COL8A2: variants seen among roughly 807,000 people sequenced by gnomAD.
COL8A2 encodes collagen alpha-2(VIII) chain.
COL8A2 carries 16 observed loss-of-function variants against 24.0 expected under a neutral mutation model. That is an observed-to-expected ratio of 0.67 (90% CI 0.45 to 1.01). The LOEUF (loss-of-function observed/expected upper bound fraction) is 1.01. COL8A2 is among the 50% of genes least tolerant of loss of function. COL8A2 has a pLI of 0.00. For synonymous variants in COL8A2, 466 were observed against 424.5 expected, an observed-to-expected ratio of 1.10 and a Z score of -1.20; for missense variants, 818 against 942.4, an observed-to-expected ratio of 0.87 and a Z score of 1.73.
chr1:36,119,364 G>A (rs1476533746), intron 1 of COL8A2, among the ~76,000 whole-genome samples: 1 of 152,118 alleles, frequency 6.6e-6, no homozygotes, highest in Non-Finnish European at 1.5e-5. Context: ...CCCCAGCCAG[G>A]GAAGGATGGT....
intron 2 of COL8A2, among the ~76,000 whole-genome samples, chr1:36,101,448 T>C (rs1643678570): frequency 6.6e-6 from 1 of 152,222 alleles, no homozygotes; most frequent in Admixed American, 6.5e-5. Flanking sequence ...CTCATTTCTT[T>C]GTGCCCTGAC....
In COL8A2 at chr1:36,097,061, G is replaced by A. The variant is rs1001736268; in HGVS notation, c.*508C>T. 7 of 162,084 alleles carry A rather than the reference G, an allele frequency of 4.3e-5. No homozygotes were observed. In the South Asian group the frequency reaches 5.0e-4, roughly 12 times the overall value. 10.0% of individuals were successfully genotyped at this position (162,084 alleles called of 1,614,324 possible). A position where few individuals can be genotyped will look rare whatever the true frequency, so the allele number is the denominator to read the frequency against. On this transcript the variant is annotated 3_prime_UTR_variant, in exon 4 of 4. Coordinates refer to ENST00000397799, the MANE Select transcript of COL8A2 (RefSeq NM_005202.4). ...GCAGGGTGTCCACACTCGCCACCTC[G>A]ATGGTCCCCTCTTCTCCCTTCCCCT...
In COL8A2 at chr1:36,115,794, G is replaced by A; in HGVS notation, c.-61-42C>T. On this transcript the variant is annotated intron_variant, in intron 1 of 3. Coordinates refer to ENST00000397799, the MANE Select transcript of COL8A2 (RefSeq NM_005202.4). The surrounding 1 kb of genome is among the most constrained non-coding windows in gnomAD (Gnocchi z 5.7). ...GAAACAGTGAGGCTATGGGGCAGTG[G>A]CTCAAGCTTGTAATCCCAGCACTTT... 1 of 973,962 alleles carries A rather than the reference G, an allele frequency of 1.0e-6. No individual in the cohort carries two copies. Among genetic ancestry groups the A allele is most frequent in the Non-Finnish European group, 1.2e-6 (1 of 819,522 alleles). 60.3% of individuals were successfully genotyped at this position (973,962 alleles called of 1,614,324 possible).
In COL8A2 at chr1:36,115,064, A is replaced by G. The variant is rs1303118468; in HGVS notation, c.-17+644T>C. 6.6e-6 allele frequency among the ~76,000 whole-genome samples: 1 copy of G among 152,022 alleles called. No individual in the cohort carries two copies. The highest frequency in any genetic ancestry group is 1.5e-5 in the Non-Finnish European group (1 of 67,988). ...GCAGTGGGCAGACCTGAGGGCAGCC[A>G]TGTACCCTCAGGCAGGTAGCCAGGC... On this transcript the variant is annotated intron_variant, in intron 2 of 3. Transcript: ENST00000397799. This position sits in a 1 kb window ranked among gnomAD's most constrained non-coding sequence, Gnocchi z 5.7.
chr1:36,117,269 G>A (rs1398141570), intron 1 of COL8A2, among the ~76,000 whole-genome samples: 1 of 152,258 alleles, frequency 6.6e-6, no homozygotes, highest in Non-Finnish European at 1.5e-5. Context: ...GCCACAGCCT[G>A]GATGATGGAG....
At chr1:36,122,458 G>GGCCTC (rs1643920768) in intron 1 of COL8A2, among the ~76,000 whole-genome samples, 1 of 152,046 alleles carries the variant, frequency 6.6e-6, no homozygotes, top group African/African-American at 2.4e-5. Context: ...GTCCACATAT[G>GGCCTC]GCCTCGCAAA....
chr1:36,102,100 G>A (rs1408990441), intron 2 of COL8A2, among the ~76,000 whole-genome samples: 1 of 152,140 alleles, frequency 6.6e-6, no homozygotes, highest in Non-Finnish European at 1.5e-5. Context: ...GATCACTTGA[G>A]CTCAGGAGGT....
chr1:36,097,568 G>A lies in COL8A2; in HGVS notation c.*1C>T. The A allele has an allele frequency of 1.9e-6, 3 of 1,600,684 alleles. No homozygotes were observed. The highest frequency in any genetic ancestry group is 2.6e-6 in the Non-Finnish European group (3 of 1,170,720). ...CAGGGCAGCAGGACCCCCCCCGCGG[G>A]TTATGTGGGGCAGAGCAAGAATCCT... On this transcript the variant is annotated 3_prime_UTR_variant, in exon 4 of 4. Coordinates refer to ENST00000397799, the MANE Select transcript of COL8A2 (RefSeq NM_005202.4).
Position 36,097,531 on chromosome 1 carries a change from A to T in COL8A2, c.*38T>A, listed in dbSNP as rs757075635. The T allele has an allele frequency of 3.3e-6, 5 of 1,493,008 alleles. No individual in the cohort carries two copies. The highest frequency in any genetic ancestry group is 4.6e-6 in the Non-Finnish European group (5 of 1,088,480). The allele number at this position is 1,493,008 out of a possible 1,614,324, so 92.5% of individuals were successfully genotyped here. On this transcript the variant is annotated 3_prime_UTR_variant, in exon 4 of 4. Transcript: ENST00000397799. ...ATTGAAAAGGTCGCTCTACCACTAA[A>T]GGGGAGGAGGCCAGGGCAGCAGGAC...
At chr1:36,109,586 T>G (rs1212309746) in intron 2 of COL8A2, among the ~76,000 whole-genome samples, 2 of 151,926 alleles carry the variant, frequency 1.3e-5, no homozygotes, top group African/African-American at 4.8e-5. Context: ...CCACTCTTTT[T>G]TTTTTTTTTT....
At chr1:36,103,700 C>T (rs1396580258) in intron 2 of COL8A2, among the ~76,000 whole-genome samples, 1 of 152,026 alleles carries the variant, frequency 6.6e-6, no homozygotes, top group Non-Finnish European at 1.5e-5. Context: ...TCTCCTGCCT[C>T]AGCCTCCTGA....
At chr1:36,122,137 G>A (rs989225354) in intron 1 of COL8A2, among the ~76,000 whole-genome samples, 6 of 152,152 alleles carry the variant, frequency 3.9e-5, no homozygotes, top group African/African-American at 1.2e-4. Flanking sequence ...GACACTGATC[G>A]GAAGATCTAG....
At position 36,100,087 on chromosome 1, in the gene COL8A2, C is replaced by T. The variant is rs989018608; in HGVS notation, c.156G>A (p.Val52=). The T allele has an allele frequency of 1.9e-6, 3 of 1,612,276 alleles. No individual in the cohort carries two copies. The highest frequency in any genetic ancestry group is 2.5e-6 in the Non-Finnish European group (3 of 1,178,772). The change falls in exon 3 of 4, where the codon GTG becomes GTA. Residue 52 remains valine, a synonymous_variant. Transcript: ENST00000397799. The part of the protein sequence containing the change: ...KYIQPMQKGP[V]GPPFREGKGQ... Reference sequence around the variant, plus strand: ...CTTTGCCCTCACGGAAGGGCGGTCCCACAGGTCCTTTCTGCATGGGCTGGA... The same window carrying T: ...CTTTGCCCTCACGGAAGGGCGGTCCTACAGGTCCTTTCTGCATGGGCTGGA...
chr1:36,114,268 A>G (rs563804293), intron 2 of COL8A2, among the ~76,000 whole-genome samples: 8 of 150,408 alleles, frequency 5.3e-5, no homozygotes, highest in African/African-American at 7.3e-5. Context: ...GCAGTGAGCC[A>G]AGATCGCACC....
intron 1 of COL8A2, among the ~76,000 whole-genome samples, chr1:36,124,326 T>TC (rs1643935477): frequency 6.6e-6 from 1 of 152,170 alleles, no homozygotes; most frequent in Non-Finnish European, 1.5e-5. Context: ...ATAGCATTTC[T>TC]CTACCTGGAG....
At chr1:36,120,345 A>C (rs891859203) in intron 1 of COL8A2, among the ~76,000 whole-genome samples, 4 of 151,908 alleles carry the variant, frequency 2.6e-5, no homozygotes, top group Non-Finnish European at 5.9e-5. Context: ...CCCAGCTACT[A>C]GGGAGGCTGA....
At chr1:36,101,509 G>A (rs1643678981) in intron 2 of COL8A2, among the ~76,000 whole-genome samples, 1 of 152,172 alleles carries the variant, frequency 6.6e-6, no homozygotes, top group South Asian at 2.1e-4. Flanking sequence ...GCCTGGGTGA[G>A]GAAGAAGCAC....
chr1:36,118,531 A>G (rs538312039), intron 1 of COL8A2, among the ~76,000 whole-genome samples: 10 of 152,330 alleles, frequency 6.6e-5, no homozygotes, highest in East Asian at 1.9e-4. Context: ...GCCGACTTCA[A>G]TGGGACTCTG....
At chr1:36,120,946 G>GAA (rs1643908633) in intron 1 of COL8A2, among the ~76,000 whole-genome samples, 2 of 149,282 alleles carry the variant, frequency 1.3e-5, no homozygotes, top group Non-Finnish European at 3.0e-5. Context: ...AAAATTAGCC[G>GAA]GGCCTGGTGG....
Sources: gnomAD v4.1 joint callset for allele counts (sites outside exome capture counted in the v4.1 genomes callset) on GRCh38, gnomAD v4.1.1 for gene constraint, Gnocchi (gnomAD v3.1) non-coding constraint, MANE v1.5 for transcripts, NCBI Gene and HGNC (gene_info 2026-07-23, HGNC 2026-07-21) for gene names.